The following SSH1 variants were observed in gnomAD, a reference collection of about 807,000 sequenced individuals.
SSH1 encodes the protein protein phosphatase Slingshot homolog 1.
SSH1 carries 43 observed loss-of-function variants against 79.7 expected under a neutral mutation model. The observed-to-expected ratio is 0.54, with a 90% CI of 0.42 to 0.70. The LOEUF (loss-of-function observed/expected upper bound fraction) is 0.70, where lower values mean the gene tolerates loss of function less well. Among genes scored for constraint, SSH1 ranks in the 30% least tolerant of loss-of-function variants. The probability of loss-of-function intolerance (pLI) is 0.00; values close to 1 mark genes in which losing one functional copy is unlikely to be tolerated. For synonymous variants in SSH1, 599 were observed against 538.3 expected (o/e 1.11, Z -1.56); for missense variants, 1,206 against 1,358.8 (o/e 0.89, Z 1.77).
intron 2 of SSH1, among the ~76,000 whole-genome samples, chr12:108,844,609 A>G (rs986295845): frequency 6.6e-6 from 1 of 152,240 alleles, no homozygotes; most frequent in Non-Finnish European, 1.5e-5. Flanking sequence ...TGCTAGGTGC[A>G]TGCACCCGAG....
intron 2 of SSH1, among the ~76,000 whole-genome samples, chr12:108,836,732 G>C (rs981680486): frequency 1.3e-5 from 2 of 152,218 alleles, no homozygotes; most frequent in African/African-American, 2.4e-5. Context: ...GAAAAGCCTG[G>C]TAAAACCCAC....
rs934872683 is a variant in SSH1, at chr12:108,823,266, T to C, written c.206A>G (p.Lys69Arg). ...QGQRSLQHPHKHAGDLPQHLQ... is the reference protein window; with the variant it reads ...QGQRSLQHPHRHAGDLPQHLQ... ...CAACTTAGAGCCCTCACCTGCATGC[T>C]TGTGGGGGTGCTGAAGACTCCGCTG... Residue 69 changes from lysine to arginine, a missense_variant, in exon 3 of 15, where the codon AAG (lysine) becomes AGG (arginine). This residue lies in a region of SSH1 where 100 missense variants were observed against 82.3 expected (regional missense o/e 1.21). Transcript: ENST00000326495. 3 of 1,583,594 alleles carry C rather than the reference T, an allele frequency of 1.9e-6. No homozygotes were observed. The Admixed American group carries it at 5.4e-5, about 29-fold the overall frequency.
chr12:108,815,134 A>T (rs2037824284), intron 5 of SSH1, among the ~76,000 whole-genome samples: 1 of 152,208 alleles, frequency 6.6e-6, no homozygotes, highest in Non-Finnish European at 1.5e-5. Flanking sequence ...CTGCTGGGAA[A>T]GAATGAGTGG....
chr12:108,849,730 T>A (rs1377940400), intron 2 of SSH1, among the ~76,000 whole-genome samples: 1 of 146,260 alleles, frequency 6.8e-6, no homozygotes, highest in African/African-American at 2.6e-5. Context: ...AAAGACAGTC[T>A]AAGTGACAGA....
intron 14 of SSH1, chr12:108,791,953 A>G (rs1160228936): frequency 1.5e-6 from 2 of 1,315,922 alleles, no homozygotes; most frequent in Non-Finnish European, 1.9e-6. Context: ...TTTTAATTTT[A>G]CATACACAAA....
At chr12:108,803,063 T>TAA (rs3046814) in intron 10 of SSH1, among the ~76,000 whole-genome samples, 49,784 of 151,878 alleles carry the variant, frequency 0.33, 8,466 homozygotes, top group South Asian at 0.43. Flanking sequence ...AAAAAAATTT[T>TAA]AAGAGAGGAG....
chr12:108,824,271 C>T (rs913534267), intron 2 of SSH1, among the ~76,000 whole-genome samples: 7 of 152,036 alleles, frequency 4.6e-5, no homozygotes, highest in African/African-American at 1.7e-4. Flanking sequence ...TGGTGAAACC[C>T]TGTCTCTACT....
At chr12:108,856,503 A>G (rs1056183387) in intron 1 of SSH1, among the ~76,000 whole-genome samples, 3 of 152,192 alleles carry the variant, frequency 2.0e-5, no homozygotes, top group African/African-American at 7.2e-5. Context: ...ACAGAAAGAT[A>G]GATGCACATA....
intron 2 of SSH1, among the ~76,000 whole-genome samples, chr12:108,830,179 T>C (rs1225890153): frequency 3.3e-5 from 5 of 152,144 alleles, no homozygotes; most frequent in Non-Finnish European, 7.4e-5. Context: ...TGGCCAGGCA[T>C]GGTGGCTCAC....
intron 7 of SSH1, among the ~76,000 whole-genome samples, chr12:108,808,548 A>T (rs2037403838): frequency 1.3e-5 from 2 of 152,258 alleles, no homozygotes; most frequent in Admixed American, 1.3e-4. Context: ...ACATATGTTC[A>T]TATGACCCAC....
chr12:108,835,777 C>T (rs962423413), intron 2 of SSH1, among the ~76,000 whole-genome samples: 3 of 151,176 alleles, frequency 2.0e-5, no homozygotes, highest in Admixed American at 6.6e-5. Flanking sequence ...GCAAGGGAGA[C>T]AGAGACTGCT....
At chr12:108,796,152 G>A (rs2036743277) in intron 13 of SSH1, among the ~76,000 whole-genome samples, 1 of 152,178 alleles carries the variant, frequency 6.6e-6, no homozygotes, top group Non-Finnish European at 1.5e-5. Flanking sequence ...CTGACCTCAA[G>A]TGATCCACCT....
chr12:108,802,288 G>A, intron 11 of SSH1, 34 bp downstream of exon 11: 1 of 1,608,544 alleles, frequency 6.2e-7, no homozygotes, highest in Non-Finnish European at 8.5e-7. Flanking sequence ...AAGCTGCCTG[G>A]AAGGACAGGG....
At chr12:108,804,088 TA>T (rs746650847) in intron 10 of SSH1, among the ~76,000 whole-genome samples, 41 of 152,124 alleles carry the variant, frequency 2.7e-4, no homozygotes, top group African/African-American at 8.0e-4. Context: ...TTTATTTTAT[TA>T]AAAAAAATAT....
intron 5 of SSH1, among the ~76,000 whole-genome samples, chr12:108,814,215 C>A (rs1213242875): frequency 6.6e-6 from 1 of 152,256 alleles, no homozygotes; most frequent in Admixed American, 6.5e-5. Context: ...TAGAGTGAGA[C>A]CCCATCTTAA....
chr12:108,787,935 G>T lies in SSH1; in HGVS notation c.*53C>A. The T allele has an allele frequency of 6.2e-7, 1 of 1,606,854 alleles. No homozygotes were observed. Among genetic ancestry groups the T allele is most frequent in the South Asian group, 1.1e-5 (1 of 90,876 alleles). On this transcript the variant is annotated 3_prime_UTR_variant, in exon 15 of 15. Coordinates refer to ENST00000326495, the MANE Select transcript of SSH1 (RefSeq NM_018984.4). ...GTCGATCCAAATCCACAGTGAAAGT[G>T]AGGGAGGGATCATATGAAAATATCC...
intron 11 of SSH1, among the ~76,000 whole-genome samples, chr12:108,801,808 G>A (rs1353439507): frequency 2.0e-5 from 3 of 151,500 alleles, no homozygotes; most frequent in Admixed American, 2.0e-4. Context: ...CATCCCTGCT[G>A]AGTGTTTGTC....
chr12:108,827,529 CCT>C, intron 2 of SSH1: 4 of 1,282,726 alleles, frequency 3.1e-6, no homozygotes, highest in Non-Finnish European at 3.9e-6. Context: ...CTCTTGTCTT[CCT>C]CTGATATTTT....
chr12:108,828,172 T>C (rs191212273), intron 2 of SSH1, among the ~76,000 whole-genome samples: 2 of 152,162 alleles, frequency 1.3e-5, no homozygotes, highest in Admixed American at 1.3e-4. Context: ...GGAGGGAGCA[T>C]TTAACTGGTG....
Sources: allele counts gnomAD v4.1 joint callset (sites outside exome capture counted in the v4.1 genomes callset), GRCh38; gene constraint gnomAD v4.1.1; regional missense constraint gnomAD v4.1.1; transcripts MANE v1.5; gene names NCBI Gene and HGNC (gene_info 2026-07-23, HGNC 2026-07-21).